The following PEX5L variants were observed in gnomAD, a reference collection of about 807,000 sequenced individuals.
The protein encoded by PEX5L is PEX5-related protein.
PEX5L carries 30 observed loss-of-function variants against 84.0 expected under a neutral mutation model. That is an observed-to-expected ratio of 0.36 (90% CI 0.27 to 0.48). The LOEUF is 0.48. Ranked by LOEUF, PEX5L falls within the 20% of genes least tolerant of loss-of-function variation. The probability of loss-of-function intolerance (pLI) is 0.99; values close to 1 mark genes in which losing one functional copy is unlikely to be tolerated. For synonymous variants in PEX5L, 270 were observed against 283.1 expected (o/e 0.95, Z 0.46); for missense variants, 533 against 754.6 (o/e 0.71, Z 3.44).
intron 8 of PEX5L, among the ~76,000 whole-genome samples, chr3:179,821,114 G>A (rs1008845079): frequency 6.6e-6 from 1 of 152,132 alleles, no homozygotes; most frequent in Non-Finnish European, 1.5e-5. Flanking sequence ...GCGGGGCGGC[G>A]GGTGGGGGAG....
intron 2 of PEX5L, among the ~76,000 whole-genome samples, chr3:179,952,670 T>C (rs1034124548): frequency 6.6e-6 from 1 of 152,158 alleles, no homozygotes; most frequent in African/African-American, 2.4e-5. Context: ...AAAATGGCCA[T>C]ACTGCCCAAA....
chr3:179,821,148 T>C (rs996169684), intron 8 of PEX5L, among the ~76,000 whole-genome samples: 1 of 152,196 alleles, frequency 6.6e-6, no homozygotes, highest in Non-Finnish European at 1.5e-5. Flanking sequence ...TTTCTGACAC[T>C]ACATAAGCCT....
chr3:179,917,586 G>A (rs1277576946), intron 2 of PEX5L, among the ~76,000 whole-genome samples: 1 of 152,164 alleles, frequency 6.6e-6, no homozygotes, highest in Non-Finnish European at 1.5e-5. Context: ...CTAGGTGATA[G>A]GAATTTTTCA....
intron 2 of PEX5L, among the ~76,000 whole-genome samples, chr3:179,917,130 T>A (rs1417212218): frequency 6.6e-6 from 1 of 152,078 alleles, no homozygotes; most frequent in Non-Finnish European, 1.5e-5. Flanking sequence ...AAAAATCTTG[T>A]TAAAAACTAA....
At chr3:179,984,238 C>G (rs1007276350) in intron 1 of PEX5L, among the ~76,000 whole-genome samples, 1 of 151,966 alleles carries the variant, frequency 6.6e-6, no homozygotes, top group Non-Finnish European at 1.5e-5. Context: ...ATGGAAAAAT[C>G]TACTGCAAAA....
chr3:179,945,907 GAAATGGCATGAATGTTATTTTGC>G (rs1777407457), intron 2 of PEX5L, among the ~76,000 whole-genome samples: 1 of 152,168 alleles, frequency 6.6e-6, no homozygotes, highest in Admixed American at 6.5e-5. Flanking sequence ...GTTGCAGAGG[GAAATGGCATGAATGTTATTTTGC>G]AAAGTTGGAA....
intron 1 of PEX5L, among the ~76,000 whole-genome samples, chr3:180,026,170 G>T (rs945077462): frequency 1.4e-5 from 2 of 143,938 alleles, no homozygotes; most frequent in East Asian, 4.0e-4. Context: ...TTGGGAATAG[G>T]CAATTAATTG....
chr3:180,021,890 T>G (rs1427412441), intron 1 of PEX5L, among the ~76,000 whole-genome samples: 1 of 152,196 alleles, frequency 6.6e-6, no homozygotes, highest in African/African-American at 2.4e-5. Flanking sequence ...CAGAATAATG[T>G]GCAGTATAAG....
intron 3 of PEX5L, among the ~76,000 whole-genome samples, chr3:179,897,647 A>C (rs1759799339): frequency 6.6e-6 from 1 of 152,104 alleles, no homozygotes; most frequent in Non-Finnish European, 1.5e-5. Context: ...TAAATTAGTT[A>C]TCCACATAAA....
chr3:179,913,207 T>C lies in PEX5L; in HGVS notation c.94-14961A>G, dbSNP rs148951860. On this transcript the variant is annotated intron_variant, in intron 2 of 14. Transcript: ENST00000467460. ...CAAACACAGAGACTTGCTTTTAATT[T>C]CTTATACTTAACAGCTGATTTTCTC... Among the ~76,000 whole-genome samples, 307 of 152,266 alleles carry C rather than the reference T, an allele frequency of 2.0e-3. 1 individual carries two copies. Among genetic ancestry groups the C allele is most frequent in the African/African-American group, 7.1e-3 (295 of 41,582 alleles).
intron 14 of PEX5L, among the ~76,000 whole-genome samples, chr3:179,804,973 G>T (rs1720652001): frequency 6.6e-6 from 1 of 151,904 alleles, no homozygotes; most frequent in Non-Finnish European, 1.5e-5. Context: ...ACAAAAATTA[G>T]CCAGGCATGG....
At chr3:179,857,130 C>T (rs149551295) in intron 8 of PEX5L, among the ~76,000 whole-genome samples, 1 of 152,246 alleles carries the variant, frequency 6.6e-6, no homozygotes, top group East Asian at 1.9e-4. Context: ...ATCATAGAGG[C>T]ATGGAAACTG....
chr3:179,806,125 T>TA (rs576470865), intron 14 of PEX5L, among the ~76,000 whole-genome samples: 4 of 149,704 alleles, frequency 2.7e-5, no homozygotes, highest in Non-Finnish European at 1.5e-5. Flanking sequence ...TCCCTTGTTC[T>TA]AAAAAAAAAG....
At chr3:179,866,093 C>T (rs1748023376) in intron 7 of PEX5L, among the ~76,000 whole-genome samples, 1 of 151,986 alleles carries the variant, frequency 6.6e-6, no homozygotes, top group Non-Finnish European at 1.5e-5. Flanking sequence ...ATTAAGTTCC[C>T]CTAACTGTTG....
chr3:179,915,432 T>C (rs1766696133), intron 2 of PEX5L, among the ~76,000 whole-genome samples: 1 of 152,220 alleles, frequency 6.6e-6, no homozygotes, highest in Non-Finnish European at 1.5e-5. Flanking sequence ...GAACATGCCT[T>C]AAGGAAGAAC....
intron 2 of PEX5L, among the ~76,000 whole-genome samples, chr3:179,950,001 A>G (rs965404267): frequency 6.6e-6 from 1 of 152,106 alleles, no homozygotes; most frequent in Admixed American, 6.5e-5. Context: ...TTCCCCCACC[A>G]TCAGCCTTTG....
intron 2 of PEX5L, among the ~76,000 whole-genome samples, chr3:179,967,638 T>C (rs1484180743): frequency 1.3e-5 from 2 of 152,190 alleles, no homozygotes; most frequent in African/African-American, 2.4e-5. Context: ...TCTTGTTTTC[T>C]GGTCTTGTTA....
intron 2 of PEX5L, among the ~76,000 whole-genome samples, chr3:179,954,742 T>G (rs746595345): frequency 6.6e-6 from 1 of 152,148 alleles, no homozygotes; most frequent in Non-Finnish European, 1.5e-5. Flanking sequence ...TGACTAGCTA[T>G]GTGACTCTTT....
chr3:179,898,333 A>G, intron 2 of PEX5L, 87 bp from the exon 3 acceptor site: 6 of 923,180 alleles, frequency 6.5e-6, no homozygotes, highest in Non-Finnish European at 9.8e-6. Flanking sequence ...TTAAAGAGCA[A>G]TCCAACATAA....
Sources: allele counts gnomAD v4.1 joint callset (sites outside exome capture counted in the v4.1 genomes callset), GRCh38; gene constraint gnomAD v4.1.1; transcripts MANE v1.5; gene names NCBI Gene and HGNC (gene_info 2026-07-23, HGNC 2026-07-21).